Variants in NDUFA10 observed in about 807,000 individuals in gnomAD.
NDUFA10 encodes NADH:ubiquinone oxidoreductase subunit A10, also known as NADH dehydrogenase [ubiquinone] 1 alpha subcomplex subunit 10, mitochondrial.
NDUFA10 carries 40 observed loss-of-function variants against 47.8 expected under a neutral mutation model. The ratio of observed to expected loss-of-function variants is 0.84; its 90% CI spans 0.65 to 1.09. The LOEUF (loss-of-function observed/expected upper bound fraction) is 1.09, where lower values mean the gene tolerates loss of function less well. NDUFA10 is among the 50% of genes least tolerant of loss of function. NDUFA10 has a pLI of 0.00. For missense variants in NDUFA10, 413 were observed against 451.1 expected (o/e 0.92, Z 0.76); for synonymous variants, 183 against 172.2 (o/e 1.06, Z -0.49).
chr2:239,981,143 A>C (rs1307035619), intron 9 of NDUFA10, among the ~76,000 whole-genome samples: 2 of 152,088 alleles, frequency 1.3e-5, no homozygotes, highest in Non-Finnish European at 2.9e-5. Flanking sequence ...CCGGTTAAAA[A>C]CCTTGGGACA....
intron 4 of NDUFA10, among the ~76,000 whole-genome samples, chr2:239,939,449 G>T (rs551321552): frequency 6.6e-6 from 1 of 152,250 alleles, no homozygotes; most frequent in African/African-American, 2.4e-5. Context: ...TCCCTGGGGG[G>T]CCACCCGCGT....
At chr2:240,014,676 G>T (rs762380548) in intron 5 of NDUFA10, 63 bp downstream of exon 5, 19 of 1,608,166 alleles carry the variant, frequency 1.2e-5, no homozygotes, top group Non-Finnish European at 1.6e-5. Flanking sequence ...TTAAAACAGG[G>T]CTTTTAGTGC....
chr2:239,916,638 A>G (rs1693884182), intron 4 of NDUFA10, among the ~76,000 whole-genome samples: 1 of 152,252 alleles, frequency 6.6e-6, no homozygotes, highest in Non-Finnish European at 1.5e-5. Context: ...CCCATTCCAG[A>G]GGCTGAGAAG....
rs34928768 is a variant in NDUFA10, at chr2:239,985,911, CAA to C, written c.999+4161_999+4162del. 8.0e-3 allele frequency among the ~76,000 whole-genome samples: 734 copies of C among 91,818 alleles called. 4 individuals carry two copies. The highest frequency in any genetic ancestry group is 0.036 in the Middle Eastern group (6 of 166). The allele number at this position is 91,818 out of a possible 152,430, so 60.2% of individuals were successfully genotyped here. The stretch of plus-strand genomic sequence containing the variant: ...GGGTGACAAGAGTGAGATTCTGTCT[CAA>C]AAAAAAAAAAAAAAAAAAAAGTGCT... On this transcript the variant is annotated intron_variant, in intron 9 of 9. Coordinates refer to ENST00000252711, the MANE Select transcript of NDUFA10 (RefSeq NM_004544.4).
intron 9 of NDUFA10, among the ~76,000 whole-genome samples, chr2:239,976,014 G>A (rs977905575): frequency 1.3e-5 from 2 of 152,094 alleles, no homozygotes; most frequent in African/African-American, 4.8e-5. Context: ...ATCTGATAGG[G>A]TTTCTAATAG....
At chr2:239,990,041 A>C in intron 9 of NDUFA10, 33 bp downstream of exon 9, 15 of 1,437,046 alleles carry the variant, frequency 1.0e-5, no homozygotes, top group Non-Finnish European at 1.5e-5. Context: ...AGACTCATCC[A>C]CTGGCCAGCT....
intron 9 of NDUFA10, among the ~76,000 whole-genome samples, chr2:239,962,370 A>G (rs866557845): frequency 3.8e-4 from 58 of 152,304 alleles, no homozygotes; most frequent in African/African-American, 1.3e-3. Flanking sequence ...ATCACAAATC[A>G]CTGAAATGTG....
At chr2:239,990,239 G>A (rs1696189368) in intron 8 of NDUFA10, 57 bp from the exon 9 acceptor site, 6 of 1,395,156 alleles carry the variant, frequency 4.3e-6, no homozygotes, top group Non-Finnish European at 5.1e-6. Context: ...TACAATAAAA[G>A]AAGTGTAAGT....
At position 240,025,208 on chromosome 2, in the gene NDUFA10, C is replaced by T. The variant is rs1697813836; in HGVS notation, c.75+19G>A. On this transcript the variant is annotated intron_variant, in intron 1 of 9. Coordinates refer to ENST00000252711, the MANE Select transcript of NDUFA10 (RefSeq NM_004544.4). The stretch of plus-strand genomic sequence containing the variant: ...CCACCCTGCCACCCCGCCACCCTGC[C>T]ACCCCGCCGCCCGCTCACCACGCGC... 1.4e-6 allele frequency: 2 copies of T among 1,468,178 alleles called. No homozygotes were observed. Among genetic ancestry groups the T allele is most frequent in the Non-Finnish European group, 1.8e-6 (2 of 1,110,316 alleles). The allele number at this position is 1,468,178 out of a possible 1,614,324, so 90.9% of individuals were successfully genotyped here.
intron 4 of NDUFA10, among the ~76,000 whole-genome samples, chr2:239,937,252 C>T (rs1030381491): frequency 2.0e-5 from 3 of 152,196 alleles, no homozygotes; most frequent in South Asian, 2.1e-4. Context: ...ACACCCATTT[C>T]GAGTATGCAA....
chr2:239,944,237 G>A (rs557300586), intron 4 of NDUFA10, among the ~76,000 whole-genome samples: 4 of 152,336 alleles, frequency 2.6e-5, no homozygotes, highest in Admixed American at 6.5e-5. Flanking sequence ...AAGGACCTGG[G>A]GCCAGCCTAG....
chr2:239,988,633 GC>G (rs1401962823), intron 9 of NDUFA10, among the ~76,000 whole-genome samples: 1 of 152,216 alleles, frequency 6.6e-6, no homozygotes, highest in Admixed American at 6.5e-5. Context: ...ACAGGAAGAA[GC>G]GAAGCCACTT....
chr2:239,907,862 A>G (rs1461141961), intron 4 of NDUFA10, among the ~76,000 whole-genome samples: 1 of 152,246 alleles, frequency 6.6e-6, no homozygotes, highest in Non-Finnish European at 1.5e-5. Flanking sequence ...ATCTAGAACT[A>G]GAAATACCAT....
intron 4 of NDUFA10, among the ~76,000 whole-genome samples, chr2:239,898,146 G>C (rs1264749709): frequency 2.6e-5 from 4 of 152,196 alleles, no homozygotes; most frequent in Non-Finnish European, 2.9e-5. Flanking sequence ...CTCACAAATG[G>C]AGTCAGGACT....
Position 239,987,800 on chromosome 2 carries a change from G to A in NDUFA10, c.999+2274C>T, listed in dbSNP as rs146508468. On this transcript the variant is annotated intron_variant, in intron 9 of 9. Coordinates refer to ENST00000252711, the MANE Select transcript of NDUFA10 (RefSeq NM_004544.4). This position sits in a 1 kb window ranked among gnomAD's most constrained non-coding sequence, Gnocchi z 4.8. ...TCGCAGATGCCTGTGGGACTAACACGTATGGAGAATTAAGACGACCGAGAT... is the reference window on the plus strand; with the variant it reads ...TCGCAGATGCCTGTGGGACTAACACATATGGAGAATTAAGACGACCGAGAT... Among the ~76,000 whole-genome samples, 9 of 152,330 alleles carry A rather than the reference G, an allele frequency of 5.9e-5. No homozygotes were observed. The highest frequency in any genetic ancestry group is 1.2e-4 in the Non-Finnish European group (8 of 68,028).
intron 4 of NDUFA10, among the ~76,000 whole-genome samples, chr2:239,939,396 C>A (rs757162433): frequency 9.9e-5 from 15 of 152,254 alleles, no homozygotes; most frequent in Admixed American, 2.0e-4. Context: ...GGAGCAAAGC[C>A]CACATCTGTC....
chr2:239,892,894 G>A (rs1187705330), intron 5 of NDUFA10, among the ~76,000 whole-genome samples: 1 of 152,218 alleles, frequency 6.6e-6, no homozygotes, highest in African/African-American at 2.4e-5. Flanking sequence ...TAGGCAGGGG[G>A]GCAAGGAAAC....
rs903455232 is a variant in NDUFA10 at position 240,014,624 on chromosome 2, C to T, written c.669+115G>A. ...TCTCAAGTGGGAACAGGGTGTGTGT[C>T]ACCCTCCTCGTGAGGACTGGTAGGA... On this transcript the variant is annotated intron_variant, in intron 5 of 9. Coordinates refer to ENST00000252711, the MANE Select transcript of NDUFA10 (RefSeq NM_004544.4). 4 of 1,499,402 alleles carry T rather than the reference C, an allele frequency of 2.7e-6. No homozygotes were observed. The Admixed American group carries it at 5.1e-5, about 19-fold the overall frequency. The allele number at this position is 1,499,402 out of a possible 1,614,324, so 92.9% of individuals were successfully genotyped here.
chr2:240,005,303 A>G lies in NDUFA10; in HGVS notation c.805-8T>C. The stretch of plus-strand genomic sequence containing the variant: ...TTCAATGTCCTCTACCACCTAAGAC[A>G]GGAAAAATTCCAATTTAAACAGAGA... On this transcript the variant is annotated splice_region_variant and splice_polypyrimidine_tract_variant and intron_variant, in intron 7 of 9. Coordinates refer to ENST00000252711, the MANE Select transcript of NDUFA10 (RefSeq NM_004544.4). The G allele has an allele frequency of 6.2e-7, 1 of 1,611,486 alleles. No homozygotes were observed. Among genetic ancestry groups the G allele is most frequent in the Non-Finnish European group, 8.5e-7 (1 of 1,177,622 alleles).
Sources: allele counts gnomAD v4.1 joint callset (sites outside exome capture counted in the v4.1 genomes callset), GRCh38; gene constraint gnomAD v4.1.1; non-coding constraint Gnocchi (gnomAD v3.1); transcripts MANE v1.5; gene names NCBI Gene and HGNC (gene_info 2026-07-23, HGNC 2026-07-21).